Variants in RHBDL3 observed in about 807,000 individuals in gnomAD.
RHBDL3 encodes the protein rhomboid like 3, also known as rhomboid-related protein 3.
RHBDL3 carries 28 observed loss-of-function variants against 48.2 expected under a neutral mutation model. The ratio of observed to expected loss-of-function variants is 0.58; its 90% CI spans 0.43 to 0.80. The LOEUF is 0.80. Among genes scored for constraint, RHBDL3 ranks in the 30% least tolerant of loss-of-function variants. The probability of loss-of-function intolerance (pLI) is 0.00; values close to 1 mark genes in which losing one functional copy is unlikely to be tolerated. For synonymous variants in RHBDL3, 208 were observed against 232.3 expected (o/e 0.90, Z 0.95); for missense variants, 464 against 542.7 (o/e 0.85, Z 1.44).
chr17:32,296,343 T>C (rs2040448537), intron 5 of RHBDL3, among the ~76,000 whole-genome samples: 2 of 139,462 alleles, frequency 1.4e-5, no homozygotes, highest in South Asian at 4.8e-4. Flanking sequence ...TTTTTTTTTT[T>C]TTTTTTTTTT....
At chr17:32,319,452 G>A (rs1254799486) in intron 8 of RHBDL3, among the ~76,000 whole-genome samples, 2 of 145,814 alleles carry the variant, frequency 1.4e-5, no homozygotes, top group Non-Finnish European at 3.0e-5. Context: ...AAATCCAACC[G>A]TAAGCATCAT....
At chr17:32,283,501 T>A (rs931921507) in intron 2 of RHBDL3, among the ~76,000 whole-genome samples, 2 of 151,818 alleles carry the variant, frequency 1.3e-5, no homozygotes, top group Admixed American at 6.6e-5. Context: ...TTTTTTGTAT[T>A]TTTAGTAGAG....
rs754556557 is a variant in RHBDL3, at chr17:32,294,413, C to T, written c.639C>T (p.Arg213=). Residue 213 remains arginine, a synonymous_variant, in exon 5 of 9, where the codon CGC becomes CGT. Coordinates refer to ENST00000269051, the MANE Select transcript of RHBDL3 (RefSeq NM_138328.3). ...YHPQLRAQVW[R]YLTYIFMHAG... is the part of the protein sequence containing the mutation. ...CACAGCTGCGAGCACAGGTTTGGCG[C>T]TACCTGACATACATCTTCATGCATG... 8.1e-6 allele frequency: 13 copies of T among 1,614,130 alleles called. No homozygotes were observed. Among genetic ancestry groups the T allele is most frequent in the Non-Finnish European group, 1.1e-5 (13 of 1,179,994 alleles).
chr17:32,269,358 CAAAA>C (rs2039713705), intron 2 of RHBDL3, among the ~76,000 whole-genome samples: 1 of 152,052 alleles, frequency 6.6e-6, no homozygotes, highest in Non-Finnish European at 1.5e-5. Context: ...AAAACAAAAA[CAAAA>C]AACAAGTTGG....
chr17:32,310,416 T>TA (rs1170984100), intron 7 of RHBDL3, among the ~76,000 whole-genome samples: 1 of 151,340 alleles, frequency 6.6e-6, no homozygotes, highest in Non-Finnish European at 1.5e-5. Context: ...CCATATCTAC[T>TA]AAAAAATACA....
At chr17:32,318,775 G>A (rs2041035408) in intron 8 of RHBDL3, among the ~76,000 whole-genome samples, 1 of 152,136 alleles carries the variant, frequency 6.6e-6, no homozygotes, top group Non-Finnish European at 1.5e-5. Context: ...AACAAACCTG[G>A]GATGGAGGGT....
intron 6 of RHBDL3, among the ~76,000 whole-genome samples, chr17:32,301,861 C>G (rs1337382530): frequency 6.6e-6 from 1 of 150,498 alleles, no homozygotes; most frequent in Admixed American, 6.7e-5. Context: ...AGTTACATTA[C>G]TTAAAGATAA....
Position 32,323,043 on chromosome 17 carries a change from T to G in RHBDL3, c.*1814T>G, listed in dbSNP as rs1403353126. 7 of 152,428 alleles carry G rather than the reference T, an allele frequency of 4.6e-5. No homozygotes were observed. Among genetic ancestry groups the G allele is most frequent in the Non-Finnish European group, 1.0e-4 (7 of 68,232 alleles). The allele number at this position is 152,428 out of a possible 1,614,324, so 9.4% of individuals were successfully genotyped here. A position where few individuals can be genotyped will look rare whatever the true frequency, so the allele number is the denominator to read the frequency against. ...ATTTGGGGTCTTGGGCCACAGTGGC[T>G]TCCCATCCTGGTGACTACATGTAAA... On this transcript the variant is annotated 3_prime_UTR_variant, in exon 9 of 9. Transcript: ENST00000269051.
rs1428446925 is a variant in RHBDL3 at position 32,322,611 on chromosome 17, C to G, written c.*1382C>G. 2 of 152,190 alleles carry G rather than the reference C, an allele frequency of 1.3e-5. No homozygotes were observed. Among genetic ancestry groups the G allele is most frequent in the Non-Finnish European group, 2.9e-5 (2 of 68,080 alleles). The allele number at this position is 152,190 out of a possible 1,614,324, so 9.4% of individuals were successfully genotyped here. On this transcript the variant is annotated 3_prime_UTR_variant, in exon 9 of 9. Coordinates refer to ENST00000269051, the MANE Select transcript of RHBDL3 (RefSeq NM_138328.3). ...ATTCCAGTTTAGTTGGAAAACTTTGCCTCAGGAGAATTGTTGGGTGCATGG... is the reference window on the plus strand; with the variant it reads ...ATTCCAGTTTAGTTGGAAAACTTTGGCTCAGGAGAATTGTTGGGTGCATGG...
intron 1 of RHBDL3, among the ~76,000 whole-genome samples, chr17:32,267,340 C>T (rs1234879730): frequency 6.7e-6 from 1 of 148,320 alleles, no homozygotes; most frequent in African/African-American, 2.6e-5. Context: ...GCATTCACCA[C>T]CCCCCCTTCC....
chr17:32,314,920 C>T (rs373321592), intron 7 of RHBDL3, among the ~76,000 whole-genome samples: 2 of 152,312 alleles, frequency 1.3e-5, no homozygotes, highest in African/African-American at 2.4e-5. Flanking sequence ...TGTCGGCAAG[C>T]GAAGACAGGC....
intron 7 of RHBDL3, among the ~76,000 whole-genome samples, chr17:32,309,767 CTTCTTTT>C (rs1266642109): frequency 8.7e-6 from 1 of 114,872 alleles, no homozygotes; most frequent in East Asian, 2.1e-4. Context: ...ATAATCAAGA[CTTCTTTT>C]TTTTTTTTTT....
At chr17:32,297,340 T>C (rs1361550033) in intron 5 of RHBDL3, among the ~76,000 whole-genome samples, 1 of 152,134 alleles carries the variant, frequency 6.6e-6, no homozygotes, top group Non-Finnish European at 1.5e-5. Flanking sequence ...TGGTGGCCTG[T>C]AATCCCAACT....
intron 5 of RHBDL3, among the ~76,000 whole-genome samples, chr17:32,297,725 C>T (rs2040486997): frequency 7.9e-6 from 1 of 126,410 alleles, no homozygotes; most frequent in Non-Finnish European, 1.6e-5. Context: ...ATCTTGAACT[C>T]CTGGGTTCAA....
At chr17:32,310,903 A>AAAAAAAG (rs2040833893) in intron 7 of RHBDL3, among the ~76,000 whole-genome samples, 28 of 148,042 alleles carry the variant, frequency 1.9e-4, no homozygotes, top group Non-Finnish European at 3.3e-4. Flanking sequence ...AAAAAAAAAA[A>AAAAAAAG]GGTTTACTTT....
chr17:32,297,494 A>G (rs976362067), intron 5 of RHBDL3, among the ~76,000 whole-genome samples: 1 of 151,896 alleles, frequency 6.6e-6, no homozygotes, highest in Non-Finnish European at 1.5e-5. Flanking sequence ...CAAACAAACA[A>G]AAAACAAAGA....
At chr17:32,270,672 C>A (rs2039750801) in intron 2 of RHBDL3, among the ~76,000 whole-genome samples, 1 of 151,992 alleles carries the variant, frequency 6.6e-6, no homozygotes, top group East Asian at 1.9e-4. Flanking sequence ...TGCCACGCAC[C>A]CTCACTCCCC....
At chr17:32,296,242 CA>C (rs61503250) in intron 5 of RHBDL3, among the ~76,000 whole-genome samples, 44,626 of 89,886 alleles carry the variant, frequency 0.5, 7,843 homozygotes, top group Middle Eastern at 0.58. Context: ...GACTCCATCT[CA>C]AAAAAAAAAA....
chr17:32,288,632 C>T (rs1172530790), intron 3 of RHBDL3, among the ~76,000 whole-genome samples, 160 bp from the exon 4 acceptor site: 2 of 152,086 alleles, frequency 1.3e-5, no homozygotes, highest in Admixed American at 1.3e-4. Flanking sequence ...ACCCCTGACA[C>T]CTAACAAGAC....
Sources: allele counts gnomAD v4.1 joint callset (sites outside exome capture counted in the v4.1 genomes callset), GRCh38; gene constraint gnomAD v4.1.1; transcripts MANE v1.5; gene names NCBI Gene and HGNC (gene_info 2026-07-23, HGNC 2026-07-21).